The following NTM variants were observed in gnomAD, a reference collection of about 807,000 sequenced individuals.
NTM encodes IgLON family member 2.
A neutral mutation model predicts 42.1 loss-of-function variants in NTM; 13 were observed. That is an observed-to-expected ratio of 0.31 (90% CI 0.20 to 0.49). NTM has a LOEUF of 0.49. Among genes scored for constraint, NTM ranks in the 20% least tolerant of loss-of-function variants. NTM has a pLI of 0.99. For synonymous variants in NTM, 187 were observed against 179.2 expected (o/e 1.04, Z -0.35); for missense variants, 373 against 452.8 (o/e 0.82, Z 1.60).
chr11:132,176,014 G>T (rs1203780594), intron 3 of NTM, among the ~76,000 whole-genome samples: 1 of 151,866 alleles, frequency 6.6e-6, no homozygotes, highest in Non-Finnish European at 1.5e-5. Flanking sequence ...TTTTATTTCT[G>T]AATGACCACC....
chr11:131,944,555 A>G (rs1335552120), intron 2 of NTM, among the ~76,000 whole-genome samples: 1 of 152,192 alleles, frequency 6.6e-6, no homozygotes, highest in Non-Finnish European at 1.5e-5. Context: ...ATTGATATCC[A>G]GTAGCTCACT....
chr11:132,153,005 G>A (rs2072323558), intron 3 of NTM, among the ~76,000 whole-genome samples: 1 of 152,192 alleles, frequency 6.6e-6, no homozygotes, highest in African/African-American at 2.4e-5. Context: ...AGAGAATGGA[G>A]CAGAAAGTTT....
intron 1 of NTM, among the ~76,000 whole-genome samples, chr11:131,398,898 G>A (rs867632164): frequency 6.6e-6 from 1 of 152,110 alleles, no homozygotes; most frequent in Admixed American, 6.5e-5. Context: ...TAAATAAAAG[G>A]CTTGAACATT....
At chr11:132,329,432 C>T (rs1236566722) in intron 7 of NTM, among the ~76,000 whole-genome samples, 1 of 152,194 alleles carries the variant, frequency 6.6e-6, no homozygotes, top group Non-Finnish European at 1.5e-5. Flanking sequence ...GAGGGGCCAG[C>T]CTCCCAGCAT....
intron 2 of NTM, among the ~76,000 whole-genome samples, chr11:131,965,866 A>G (rs1325225055): frequency 6.7e-6 from 1 of 149,958 alleles, no homozygotes; most frequent in Non-Finnish European, 1.5e-5. Context: ...TAAGAATACT[A>G]AATAGTACAT....
chr11:131,917,041 T>C (rs2056511166), intron 2 of NTM, among the ~76,000 whole-genome samples: 1 of 152,218 alleles, frequency 6.6e-6, no homozygotes, highest in Non-Finnish European at 1.5e-5. Context: ...TGGCATATCA[T>C]CCTGGAGTTT....
At chr11:131,824,885 G>A (rs2041947329) in intron 1 of NTM, among the ~76,000 whole-genome samples, 1 of 152,144 alleles carries the variant, frequency 6.6e-6, no homozygotes, top group Admixed American at 6.6e-5. Flanking sequence ...CTAGATGCTG[G>A]AGGACAAGGA....
chr11:131,790,117 AGAT>A (rs2090719267), intron 1 of NTM, among the ~76,000 whole-genome samples: 1 of 152,186 alleles, frequency 6.6e-6, no homozygotes, highest in African/African-American at 2.4e-5. Context: ...AAGGATAAGA[AGAT>A]GGCAATTATG....
At chr11:132,263,785 G>T (rs1293537933) in intron 4 of NTM, among the ~76,000 whole-genome samples, 1 of 152,172 alleles carries the variant, frequency 6.6e-6, no homozygotes, top group Non-Finnish European at 1.5e-5. Context: ...ACAATATTCA[G>T]CAAAGCTCTT....
chr11:131,392,654 G>T (rs1944155270), intron 1 of NTM, among the ~76,000 whole-genome samples: 1 of 152,164 alleles, frequency 6.6e-6, no homozygotes, highest in African/African-American at 2.4e-5. Context: ...TGCCTGAGGA[G>T]AGGAAGCACT....
intron 1 of NTM, among the ~76,000 whole-genome samples, chr11:131,675,615 G>A (rs775108397): frequency 8.5e-5 from 13 of 152,074 alleles, no homozygotes; most frequent in Non-Finnish European, 1.6e-4. Flanking sequence ...TCGAGTTCTC[G>A]CAGCTGCTAT....
chr11:132,046,276 T>C (rs535596044), intron 2 of NTM, among the ~76,000 whole-genome samples: 1 of 152,268 alleles, frequency 6.6e-6, no homozygotes, highest in East Asian at 1.9e-4. Flanking sequence ...CATCCTGAGC[T>C]CTTCCACAAG....
At chr11:131,431,328 T>A (rs909736101) in intron 1 of NTM, among the ~76,000 whole-genome samples, 1 of 152,214 alleles carries the variant, frequency 6.6e-6, no homozygotes, top group African/African-American at 2.4e-5. Flanking sequence ...ATTCTCTTCC[T>A]GGCCAAAACA....
chr11:131,777,021 A>G (rs1391321780), intron 1 of NTM: 1 of 530,040 alleles, frequency 1.9e-6, no homozygotes, highest in Non-Finnish European at 2.4e-6. Flanking sequence ...ATACTACAAA[A>G]GGTTGAATCA....
Position 131,370,743 on chromosome 11 carries a change from GGAAA to G in NTM, c.-51_-48del, listed in dbSNP as rs1280525120. ...AGCTTGAGAGCAACACAATCTATCAGGAAAGAAAGAAAGAAAAAAACCGAACCTG... is the reference window on the plus strand; with the variant it reads ...AGCTTGAGAGCAACACAATCTATCAGGAAAGAAAGAAAAAAACCGAACCTG... On this transcript the variant is annotated 5_prime_UTR_variant, in exon 1 of 9. Coordinates refer to ENST00000683400, the MANE Select transcript of NTM (RefSeq NM_001352005.2). 2.2e-5 allele frequency: 30 copies of G among 1,378,176 alleles called. No homozygotes were observed. The highest frequency in any genetic ancestry group is 2.9e-5 in the Non-Finnish European group (28 of 980,980). 85.4% of individuals were successfully genotyped at this position (1,378,176 alleles called of 1,614,324 possible).
intron 2 of NTM, among the ~76,000 whole-genome samples, chr11:132,063,744 C>T (rs963202345): frequency 3.3e-5 from 5 of 152,188 alleles, no homozygotes; most frequent in Admixed American, 6.5e-5. Flanking sequence ...AATGGACAGA[C>T]GTGTCCTTCT....
chr11:132,108,548 G>A (rs2062719589), intron 2 of NTM, among the ~76,000 whole-genome samples: 1 of 152,032 alleles, frequency 6.6e-6, no homozygotes, highest in Admixed American at 6.5e-5. Flanking sequence ...GTGGCGGGGC[G>A]AGGAACAAAA....
At chr11:132,253,001 G>T (rs535031311) in intron 4 of NTM, among the ~76,000 whole-genome samples, 1 of 152,160 alleles carries the variant, frequency 6.6e-6, no homozygotes, top group South Asian at 2.1e-4. Context: ...TTACAGTACC[G>T]TCTTGCAGGA....
At chr11:132,135,053 C>T (rs1231118802) in intron 2 of NTM, among the ~76,000 whole-genome samples, 1 of 152,072 alleles carries the variant, frequency 6.6e-6, no homozygotes, top group African/African-American at 2.4e-5. Flanking sequence ...AAATCCTCCT[C>T]CCCTCCCCAC....
Sources: allele counts gnomAD v4.1 joint callset (sites outside exome capture counted in the v4.1 genomes callset), GRCh38; gene constraint gnomAD v4.1.1; transcripts MANE v1.5; gene names NCBI Gene and HGNC (gene_info 2026-07-23, HGNC 2026-07-21).